Variants in TOE1 observed in about 807,000 individuals in gnomAD.
TOE1 encodes target of EGR1 protein 1.
TOE1 carries 50 observed loss-of-function variants against 49.2 expected under a neutral mutation model. The ratio of observed to expected loss-of-function variants is 1.02; its 90% CI spans 0.81 to 1.29. The LOEUF (loss-of-function observed/expected upper bound fraction) is 1.29. TOE1 is among the 50% of genes most tolerant of loss of function. The pLI, the probability that TOE1 is intolerant of heterozygous loss-of-function variation, is 0.00. For synonymous variants in TOE1, 221 were observed against 247.0 expected (o/e 0.89, Z 0.99); for missense variants, 544 against 654.4 (o/e 0.83, Z 1.84).
Position 45,341,326 on chromosome 1 carries a change from GA to G in TOE1, c.221del (p.Lys74ArgfsTer4). On this transcript the variant is annotated frameshift_variant, in exon 3 of 8. Coordinates refer to ENST00000372090, the MANE Select transcript of TOE1 (RefSeq NM_025077.4). LOFTEE classifies it high-confidence loss of function. Reference sequence around the variant, plus strand: ...AGGAGCTGAGTGGGCTTGGGGACAGGAAGAGTTTGCTGAACCAGTAAGTATA... The same window carrying G: ...AGGAGCTGAGTGGGCTTGGGGACAGGAGAGTTTGCTGAACCAGTAAGTATA... ...DTELSGLGDR[K>X]SLLNQCIEER... 1 of 1,614,218 alleles carries G rather than the reference GA, an allele frequency of 6.2e-7. No homozygotes were observed. The highest frequency in any genetic ancestry group is 8.5e-7 in the Non-Finnish European group (1 of 1,180,036).
Position 45,341,215 on chromosome 1 carries a change from GGT to G in TOE1, c.195+2_195+3del. On this transcript the variant is annotated splice_donor_variant, in intron 2 of 7. Coordinates refer to ENST00000372090, the MANE Select transcript of TOE1 (RefSeq NM_025077.4). LOFTEE classifies it high-confidence loss of function. ...CAGCTAATTTCGTGGCTGTGGACAC[GGT>G]GAGAGTTGGGAAACAAGGAGGGCAG... 1 of 1,614,180 alleles carries G rather than the reference GGT, an allele frequency of 6.2e-7. No homozygotes were observed. Among genetic ancestry groups the G allele is most frequent in the Non-Finnish European group, 8.5e-7 (1 of 1,180,016 alleles).
In TOE1 at chr1:45,342,797, T is replaced by C. The variant is rs41269107; in HGVS notation, c.753-46T>C. 2,651 of 1,612,442 alleles carry C rather than the reference T, an allele frequency of 1.6e-3. 5 individuals carry two copies. Among genetic ancestry groups the C allele is most frequent in the Non-Finnish European group, 2.1e-3 (2,450 of 1,178,920 alleles). On this transcript the variant is annotated intron_variant, in intron 6 of 7. Coordinates refer to ENST00000372090, the MANE Select transcript of TOE1 (RefSeq NM_025077.4). The stretch of plus-strand genomic sequence containing the variant: ...AACAGACCACAAAACCCTGCTCTTA[T>C]GGAGCTTATATGCTAGTGGACCATT...
At position 45,340,171 on chromosome 1, in the gene TOE1, C is replaced by T. The variant is rs375770248; in HGVS notation, c.-82C>T. On this transcript the variant is annotated 5_prime_UTR_variant, in exon 1 of 8. Transcript: ENST00000372090. ...CCCGACGGCGAGACCCCGCCCCATC[C>T]CCGACTGCCTGAACCGCGCCAGGAG... The T allele has an allele frequency of 5.0e-6, 8 of 1,609,986 alleles. No homozygotes were observed. The highest frequency in any genetic ancestry group is 5.9e-6 in the Non-Finnish European group (7 of 1,178,616).
In TOE1 at chr1:45,343,581, A is replaced by T. The variant is rs970320623; in HGVS notation, c.1412A>T (p.Glu471Val). Residue 471 changes from glutamate (E) to valine (V), a missense_variant, in exon 8 of 8, where the codon GAA becomes GTA. By Grantham distance (121) the Glu-to-Val change is moderately radical. Transcript: ENST00000372090. The surrounding 1 kb of genome is among the most constrained non-coding windows in gnomAD (Gnocchi z 4.3). ...TGCAGCTCTGGACCCTGGCTCCCTG[A>T]ATGCCACAATAAGGTATATTTGAGT... The part of the protein sequence containing the change: ...QPCSSGPWLP[E>V]CHNKVYLSGK... The T allele has an allele frequency of 3.4e-5, 55 of 1,614,010 alleles. No homozygotes were observed. The highest frequency in any genetic ancestry group is 4.7e-5 in the Non-Finnish European group (55 of 1,180,040).
At chr1:45,341,012 G>T (rs753948475) in intron 1 of TOE1, 61 bp from the exon 2 acceptor site, 15 of 1,608,484 alleles carry the variant, frequency 9.3e-6, no homozygotes, top group Non-Finnish European at 1.3e-5. Flanking sequence ...GCCTAGCTTG[G>T]TGTCTGTTCC....
chr1:45,340,605 G>T (rs1235209186), intron 1 of TOE1: 5 of 1,327,882 alleles, frequency 3.8e-6, no homozygotes, highest in Non-Finnish European at 3.9e-6. Flanking sequence ...TCCAAAGGAA[G>T]GTAGGACGTA....
Position 45,342,252 on chromosome 1 carries a change from T to G in TOE1, c.493-132T>G, listed in dbSNP as rs1040844847. The G allele has an allele frequency of 4.0e-6, 6 of 1,497,216 alleles. No homozygotes were observed. The Middle Eastern group carries it at 7.4e-4, about 185-fold the overall frequency. 92.7% of individuals were successfully genotyped at this position (1,497,216 alleles called of 1,614,324 possible). A position where few individuals can be genotyped will look rare whatever the true frequency, so the allele number is the denominator to read the frequency against. On this transcript the variant is annotated intron_variant, in intron 5 of 7. Transcript: ENST00000372090. The stretch of plus-strand genomic sequence containing the variant: ...CAGGGCTTGGGAAACAAGACTGGTA[T>G]GAGGAGGGTGGGCAGCATTGGGTAA...
chr1:45,341,886 C>G, intron 4 of TOE1, 63 bp from the exon 5 acceptor site: 1 of 1,559,922 alleles, frequency 6.4e-7, no homozygotes, highest in Non-Finnish European at 8.8e-7. Flanking sequence ...CATTCTTAAG[C>G]TTTTGCATCC....
At position 45,343,060 on chromosome 1, in the gene TOE1, T is replaced by TAAGCCTCTTTCC; in HGVS notation, c.913-21_913-10dup. On this transcript the variant is annotated intron_variant, in intron 7 of 7. Coordinates refer to ENST00000372090, the MANE Select transcript of TOE1 (RefSeq NM_025077.4). This position sits in a 1 kb window ranked among gnomAD's most constrained non-coding sequence, Gnocchi z 4.3. ...GGTTCTGATGCCTGGAGCCTCTTTC[T>TAAGCCTCTTTCC]AAGCCTCTTTCCCACCCCTAGGCTT... 2.5e-6 allele frequency: 4 copies of TAAGCCTCTTTCC among 1,613,476 alleles called. No homozygotes were observed. The highest frequency in any genetic ancestry group is 1.3e-5 in the African/African-American group (1 of 74,932).
At chr1:45,342,705 ATATT>A (rs760745457) in intron 6 of TOE1, 62 bp downstream of exon 6, 20 of 1,601,808 alleles carry the variant, frequency 1.2e-5, no homozygotes, top group Non-Finnish European at 1.7e-5. Context: ...TTCACTTAAG[ATATT>A]TATTGAGCTC....
rs1462804588 is a variant in TOE1, at chr1:45,343,808, G to C, written c.*106G>C. 1 of 1,361,804 alleles carries C rather than the reference G, an allele frequency of 7.3e-7. No individual in the cohort carries two copies. 84.4% of individuals were successfully genotyped at this position (1,361,804 alleles called of 1,614,324 possible). The stretch of plus-strand genomic sequence containing the variant: ...GAGTTTAGGGGAGGGGGAATGTCTT[G>C]ACAGACATCACTGCATTGCCCTGGA... On this transcript the variant is annotated 3_prime_UTR_variant, in exon 8 of 8. Coordinates refer to ENST00000372090, the MANE Select transcript of TOE1 (RefSeq NM_025077.4). This position sits in a 1 kb window ranked among gnomAD's most constrained non-coding sequence, Gnocchi z 4.3.
chr1:45,342,716 G>A, intron 6 of TOE1, 73 bp downstream of exon 6: 3 of 1,599,900 alleles, frequency 1.9e-6, no homozygotes, highest in South Asian at 2.3e-5. Context: ...TATTTATTGA[G>A]CTCCTACCAT....
chr1:45,341,200 C>T lies in TOE1; in HGVS notation c.180C>T (p.Phe60=), dbSNP rs759149971. The part of the protein sequence containing the change: ...SLLLAIKTAN[F]VAVDTELSGL... Reference sequence around the variant, plus strand: ...TGCTAGCCATAAAGACAGCTAATTTCGTGGCTGTGGACACGGTGAGAGTTG... The same window carrying T: ...TGCTAGCCATAAAGACAGCTAATTTTGTGGCTGTGGACACGGTGAGAGTTG... Residue 60 remains phenylalanine (F), a synonymous_variant, in exon 2 of 8, where the codon TTC becomes TTT. Transcript: ENST00000372090. The T allele has an allele frequency of 2.5e-6, 4 of 1,614,052 alleles. No individual in the cohort carries two copies. The highest frequency in any genetic ancestry group is 3.4e-6 in the Non-Finnish European group (4 of 1,180,046).
rs2275602 is a variant in TOE1 at position 45,340,208 on chromosome 1, G to A, written c.-45G>A. The A allele has an allele frequency of 2.1e-3, 3,348 of 1,613,756 alleles. 62 individuals are homozygous for A. The East Asian group carries it at 0.039, about 19-fold the overall frequency. ...AACCGCGCCAGGAGACGGACCGCAA[G>A]TCCAGCGTACCCACAGACGACTCAG... On this transcript the variant is annotated 5_prime_UTR_variant, in exon 1 of 8. Coordinates refer to ENST00000372090, the MANE Select transcript of TOE1 (RefSeq NM_025077.4).
At chr1:45,342,358 T>C in intron 5 of TOE1, 26 bp from the exon 6 acceptor site, 1 of 1,611,232 alleles carries the variant, frequency 6.2e-7, no homozygotes, top group Non-Finnish European at 8.5e-7. Flanking sequence ...TCTGTCCTCC[T>C]CATTGACCCC....
At chr1:45,341,706 A>G in intron 4 of TOE1, 137 bp downstream of exon 4, 2 of 883,858 alleles carry the variant, frequency 2.3e-6, no homozygotes, top group Non-Finnish European at 3.4e-6. Flanking sequence ...TTTTATTTGA[A>G]TAGGTTTATG....
rs377665053 is a variant in TOE1, at chr1:45,343,190, C to T, written c.1021C>T (p.Arg341Cys). 7 of 1,613,696 alleles carry T rather than the reference C, an allele frequency of 4.3e-6. No individual in the cohort carries two copies. The highest frequency in any genetic ancestry group is 2.7e-5 in the African/African-American group (2 of 74,792). ...AGAGGACAAGCGGCGACGGCGACGA[C>T]GTAGGGAAAAACGGAAGAGGGCTTT... ...AAEDKRRRRR[R>C]REKRKRALLN... The change falls in exon 8 of 8, where the codon CGT becomes TGT. Residue 341 changes from arginine to cysteine, a missense_variant. By Grantham distance (180) the Arg-to-Cys change is radical. Coordinates refer to ENST00000372090, the MANE Select transcript of TOE1 (RefSeq NM_025077.4). The surrounding 1 kb of genome is among the most constrained non-coding windows in gnomAD (Gnocchi z 4.3).
At chr1:45,340,346 C>T (rs1646841944) in intron 1 of TOE1, 42 bp downstream of exon 1, 1 of 1,592,514 alleles carries the variant, frequency 6.3e-7, no homozygotes, top group South Asian at 1.1e-5. Context: ...CCTCTGCGCT[C>T]TGGGAGAGGG....
At chr1:45,340,993 A>G (rs975204024) in intron 1 of TOE1, 80 bp from the exon 2 acceptor site, 38 of 1,594,204 alleles carry the variant, frequency 2.4e-5, no homozygotes, top group Middle Eastern at 3.7e-4. Context: ...CCTTACCACC[A>G]TCACCGTGGC....
Sources: gnomAD v4.1 joint callset for allele counts on GRCh38, gnomAD v4.1.1 for gene constraint, Gnocchi (gnomAD v3.1) non-coding constraint, MANE v1.5 for transcripts, NCBI Gene and HGNC (gene_info 2026-07-23, HGNC 2026-07-21) for gene names.